The following PAN3 variants were observed in gnomAD, a reference collection of about 807,000 sequenced individuals.
PAN3 encodes poly(A) specific ribonuclease subunit PAN3.
A neutral mutation model predicts 96.2 loss-of-function variants in PAN3; 19 were observed. The ratio of observed to expected loss-of-function variants is 0.20; its 90% CI spans 0.14 to 0.29. The LOEUF is 0.29. Ranked by LOEUF, PAN3 falls within the 10% of genes least tolerant of loss-of-function variation. PAN3 has a pLI of 1.00. For missense variants in PAN3, 882 were observed against 1,108.1 expected (o/e 0.80, Z 2.90); for synonymous variants, 433 against 406.6 (o/e 1.06, Z -0.78).
chr13:28,267,376 T>C lies in PAN3; in HGVS notation c.1767T>C (p.Asp589=), dbSNP rs774718800. The C allele has an allele frequency of 3.7e-6, 6 of 1,613,664 alleles. No individual in the cohort carries two copies. Among genetic ancestry groups the C allele is most frequent in the Non-Finnish European group, 5.1e-6 (6 of 1,179,662 alleles). The change falls in exon 12 of 19, where the codon GAT becomes GAC. Residue 589 remains aspartate (D), a synonymous_variant. Transcript: ENST00000380958. ...GACACTTTAATGACCCTAATGCTGA[T>C]GCCTACTTCACCAAGAGAAAGTGGG... ...MSRHFNDPNA[D]AYFTKRKWGQ...
chr13:28,266,749 A>C lies in PAN3; in HGVS notation c.1446A>C (p.Leu482=). The C allele has an allele frequency of 6.2e-7, 1 of 1,606,438 alleles. No individual in the cohort carries two copies. The change falls in exon 10 of 19, where the codon CTA becomes CTC. Residue 482 remains leucine, a synonymous_variant. Coordinates refer to ENST00000380958, the MANE Select transcript of PAN3 (RefSeq NM_175854.8). ...VPTEVDSYHS[L]FPLEPLPPPN... ...CAGAGGTTGACAGCTACCATAGCCTATTCCCTCTAGAACCACTGCCACCTC... is the reference window on the plus strand; with the variant it reads ...CAGAGGTTGACAGCTACCATAGCCTCTTCCCTCTAGAACCACTGCCACCTC...
chr13:28,206,249 C>G (rs758510177), intron 5 of PAN3, among the ~76,000 whole-genome samples: 7 of 151,680 alleles, frequency 4.6e-5, no homozygotes, highest in Non-Finnish European at 1.0e-4. Context: ...TCCCTTAATT[C>G]CCAATATTTT....
At chr13:28,169,469 A>G (rs992461914) in intron 1 of PAN3, among the ~76,000 whole-genome samples, 7 of 151,582 alleles carry the variant, frequency 4.6e-5, no homozygotes, top group Admixed American at 6.6e-5. Context: ...GAGCTCAGGT[A>G]ATCTGCCCAC....
chr13:28,232,831 G>A (rs1882718274), intron 6 of PAN3, among the ~76,000 whole-genome samples: 1 of 151,970 alleles, frequency 6.6e-6, no homozygotes, highest in Admixed American at 6.6e-5. Context: ...CTTTTATTAT[G>A]TTAGGCTAAA....
At chr13:28,210,160 T>C (rs1879862870) in intron 5 of PAN3, among the ~76,000 whole-genome samples, 1 of 152,206 alleles carries the variant, frequency 6.6e-6, no homozygotes, top group South Asian at 2.1e-4. Context: ...GTTTATAGTA[T>C]TATCCATTTC....
chr13:28,176,925 T>G (rs1011546736), intron 3 of PAN3, among the ~76,000 whole-genome samples: 8 of 152,076 alleles, frequency 5.3e-5, no homozygotes, highest in African/African-American at 1.9e-4. Context: ...CTCTTTGCAC[T>G]ATTAGTTATT....
At chr13:28,192,792 T>A (rs1877460426) in intron 4 of PAN3, among the ~76,000 whole-genome samples, 1 of 152,234 alleles carries the variant, frequency 6.6e-6, no homozygotes, top group African/African-American at 2.4e-5. Flanking sequence ...ATTTTTTTCT[T>A]CAGGGATTAA....
intron 4 of PAN3, among the ~76,000 whole-genome samples, chr13:28,189,242 G>T (rs1876884707): frequency 6.6e-6 from 1 of 152,156 alleles, no homozygotes; most frequent in Non-Finnish European, 1.5e-5. Flanking sequence ...TGTTAGCCAG[G>T]CGTGGTGGCT....
At chr13:28,213,702 C>CAA (rs779035643) in intron 5 of PAN3, among the ~76,000 whole-genome samples, 14,175 of 77,918 alleles carry the variant, frequency 0.18, 1,070 homozygotes, top group East Asian at 0.4. Context: ...GAAAAAACAG[C>CAA]AAAAAAAAAA....
At chr13:28,256,176 A>G (rs1885120553) in intron 6 of PAN3, 116 bp from the exon 7 acceptor site, 1 of 1,094,976 alleles carries the variant, frequency 9.1e-7, no homozygotes, top group African/African-American at 1.6e-5. Context: ...TCATCTTTGC[A>G]CTTACGATCC....
Position 28,281,347 on chromosome 13 carries a change from A to G in PAN3, c.2352A>G (p.Leu784=), listed in dbSNP as rs368413049. Reference sequence around the variant, plus strand: ...AAAATGGAAGACTGTTTAGGCTCCTAGCAAAATTGGGAACAATCAATGAGA... The same window carrying G: ...AAAATGGAAGACTGTTTAGGCTCCTGGCAAAATTGGGAACAATCAATGAGA... The part of the protein sequence containing the change: ...EVQNGRLFRL[L]AKLGTINERP... The change falls in exon 17 of 19, where the codon CTA becomes CTG. Residue 784 remains leucine (L), a synonymous_variant. Transcript: ENST00000380958. 6.8e-6 allele frequency: 11 copies of G among 1,611,968 alleles called. No homozygotes were observed. The Middle Eastern group carries it at 6.6e-4, about 97-fold the overall frequency.
chr13:28,228,427 C>G (rs2138423559), intron 6 of PAN3, among the ~76,000 whole-genome samples: 1 of 152,052 alleles, frequency 6.6e-6, no homozygotes, highest in East Asian at 1.9e-4. Flanking sequence ...CTCATAAATG[C>G]CTGCAACAAC....
chr13:28,268,363 T>C (rs1182695153), intron 12 of PAN3, among the ~76,000 whole-genome samples: 2 of 152,188 alleles, frequency 1.3e-5, no homozygotes, highest in African/African-American at 4.8e-5. Context: ...CCTAAACAAA[T>C]GCTTTTGTTT....
chr13:28,162,962 CA>C (rs1344685886), intron 1 of PAN3, among the ~76,000 whole-genome samples: 2 of 151,588 alleles, frequency 1.3e-5, no homozygotes, highest in Admixed American at 6.6e-5. Context: ...AGTGTAGTTA[CA>C]GATAATTTAA....
intron 17 of PAN3, among the ~76,000 whole-genome samples, chr13:28,284,552 G>T (rs1868742342): frequency 6.6e-6 from 1 of 151,908 alleles, no homozygotes; most frequent in African/African-American, 2.4e-5. Context: ...AACATTTGTG[G>T]TTTCATTTCT....
chr13:28,171,519 A>G (rs1358749828), intron 1 of PAN3, among the ~76,000 whole-genome samples: 1 of 152,202 alleles, frequency 6.6e-6, no homozygotes, highest in Non-Finnish European at 1.5e-5. Flanking sequence ...CTTGGCTACA[A>G]ATTGGGAGTT....
intron 1 of PAN3, among the ~76,000 whole-genome samples, chr13:28,165,534 A>G (rs1258520824): frequency 1.3e-5 from 2 of 152,122 alleles, no homozygotes; most frequent in African/African-American, 4.8e-5. Flanking sequence ...TAATCTCTGA[A>G]TCAGTTTGCT....
chr13:28,204,903 TGTGCATGTGTTA>T, intron 5 of PAN3, among the ~76,000 whole-genome samples: 1 of 152,366 alleles, frequency 6.6e-6, no homozygotes, highest in Middle Eastern at 3.4e-3. Context: ...ACTGTTGGAC[TGTGCATGTGTTA>T]GGGGATCCAT....
intron 1 of PAN3, among the ~76,000 whole-genome samples, chr13:28,144,311 G>A (rs1313273188): frequency 6.6e-6 from 1 of 150,790 alleles, no homozygotes; most frequent in African/African-American, 2.4e-5. Context: ...CCGCCTCCTG[G>A]GTTCACGCCA....
Sources: gnomAD v4.1 joint callset for allele counts (sites outside exome capture counted in the v4.1 genomes callset) on GRCh38, gnomAD v4.1.1 for gene constraint, MANE v1.5 for transcripts, NCBI Gene and HGNC (gene_info 2026-07-23, HGNC 2026-07-21) for gene names.